ELMO1: variants seen among roughly 807,000 people sequenced by gnomAD.
ELMO1 encodes the protein engulfment and cell motility 1.
ELMO1 carries 26 observed loss-of-function variants against 98.9 expected under a neutral mutation model. The observed-to-expected ratio is 0.26, with a 90% CI of 0.19 to 0.36. ELMO1 has a LOEUF of 0.36. Ranked by LOEUF, ELMO1 falls within the 10% of genes least tolerant of loss-of-function variation. The pLI, the probability that ELMO1 is intolerant of heterozygous loss-of-function variation, is 1.00. For missense variants in ELMO1, 627 were observed against 935.2 expected (o/e 0.67, Z 4.30); for synonymous variants, 346 against 346.0 (o/e 1.00, Z 0.00).
chr7:36,863,528 C>A (rs1178521286), intron 20 of ELMO1, among the ~76,000 whole-genome samples: 3 of 152,048 alleles, frequency 2.0e-5, no homozygotes, highest in African/African-American at 7.2e-5. Context: ...CAAAAGAAAG[C>A]AAAAGCCAAA....
At chr7:37,316,013 A>AT (rs1799134985) in intron 2 of ELMO1, 53 bp from the exon 3 acceptor site, 4 of 1,351,056 alleles carry the variant, frequency 3.0e-6, no homozygotes. Flanking sequence ...ATCATTTTAA[A>AT]TTAAAAAAAA....
At chr7:37,003,968 T>C (rs1001163916) in intron 16 of ELMO1, among the ~76,000 whole-genome samples, 3 of 152,238 alleles carry the variant, frequency 2.0e-5, no homozygotes, top group Non-Finnish European at 2.9e-5. Flanking sequence ...ACAGCACCTA[T>C]GTGCTCTTCT....
chr7:37,101,655 T>C (rs1490351206), intron 14 of ELMO1, among the ~76,000 whole-genome samples: 1 of 151,994 alleles, frequency 6.6e-6, no homozygotes. Context: ...CCGAGCACAT[T>C]CCCAGGAGCT....
At chr7:37,091,578 T>G (rs1161372977) in intron 15 of ELMO1, among the ~76,000 whole-genome samples, 1 of 152,084 alleles carries the variant, frequency 6.6e-6, no homozygotes, top group African/African-American at 2.4e-5. Flanking sequence ...AGGGCACCAC[T>G]CCCTGCCCCC....
chr7:37,052,354 C>T (rs1340433228), intron 15 of ELMO1, among the ~76,000 whole-genome samples: 1 of 152,172 alleles, frequency 6.6e-6, no homozygotes, highest in Non-Finnish European at 1.5e-5. Context: ...TAAAGAACTG[C>T]TATCTCCAGC....
At position 37,013,398 on chromosome 7, in the gene ELMO1, G is replaced by A; in HGVS notation, c.1338C>T (p.Phe446=). The change falls in exon 16 of 22, where the codon TTC becomes TTT. Residue 446 remains phenylalanine (F), a synonymous_variant. Transcript: ENST00000310758. The part of the protein sequence containing the change: ...ETCNDFHPMF[F]THDRSFEEFF... Reference sequence around the variant, plus strand: ...ACTCCTCAAAGGATCTGTCGTGGGTGAAGAACATCGGGTGGAAGTCGTTGC... The same window carrying A: ...ACTCCTCAAAGGATCTGTCGTGGGTAAAGAACATCGGGTGGAAGTCGTTGC... 6.2e-7 allele frequency: 1 copy of A among 1,614,090 alleles called. No homozygotes were observed.
At chr7:37,338,757 C>A (rs1305046688) in intron 2 of ELMO1, among the ~76,000 whole-genome samples, 1 of 151,978 alleles carries the variant, frequency 6.6e-6, no homozygotes, top group African/African-American at 2.4e-5. Flanking sequence ...TCAAGCGGCT[C>A]CCCGGGCTTG....
intron 15 of ELMO1, among the ~76,000 whole-genome samples, chr7:37,045,812 G>A (rs1191372203): frequency 6.6e-6 from 1 of 152,168 alleles, no homozygotes; most frequent in Non-Finnish European, 1.5e-5. Context: ...ATGCTTCAGA[G>A]TTAACAAAGC....
At chr7:37,143,644 T>G (rs1272034574) in intron 13 of ELMO1, among the ~76,000 whole-genome samples, 1 of 151,430 alleles carries the variant, frequency 6.6e-6, no homozygotes, top group East Asian at 1.9e-4. Context: ...TGACCTCAAG[T>G]GATTTGCCAG....
At chr7:37,102,953 T>C (rs1784718856) in intron 14 of ELMO1, among the ~76,000 whole-genome samples, 1 of 152,220 alleles carries the variant, frequency 6.6e-6, no homozygotes. Flanking sequence ...ACAAACTTCC[T>C]GGATCTATTT....
chr7:37,126,255 C>A (rs1177207659), intron 14 of ELMO1, among the ~76,000 whole-genome samples: 1 of 146,980 alleles, frequency 6.8e-6, no homozygotes, highest in Non-Finnish European at 1.5e-5. Context: ...ATGTAACAAA[C>A]CTGCATGTTG....
chr7:37,286,310 T>C (rs1292104750), intron 4 of ELMO1, among the ~76,000 whole-genome samples: 1 of 152,196 alleles, frequency 6.6e-6, no homozygotes, highest in Non-Finnish European at 1.5e-5. Context: ...GCTGTGGCAT[T>C]AGCCACCCAG....
chr7:37,140,343 G>A lies in ELMO1; in HGVS notation c.1087-7109C>T, dbSNP rs532418769. The stretch of plus-strand genomic sequence containing the variant: ...AGAGCTTGTAGTGAGCCGAGATGGC[G>A]CCAGTGCACTCCAGCCTGGGCGACA... On this transcript the variant is annotated intron_variant, in intron 13 of 21. Coordinates refer to ENST00000310758, the MANE Select transcript of ELMO1 (RefSeq NM_014800.11). 7.9e-5 allele frequency among the ~76,000 whole-genome samples: 12 copies of A among 151,680 alleles called. No individual in the cohort carries two copies. In the East Asian group the frequency reaches 1.4e-3, roughly 17 times the overall value.
chr7:37,034,415 T>C (rs1795063035), intron 15 of ELMO1, among the ~76,000 whole-genome samples: 5 of 152,150 alleles, frequency 3.3e-5, no homozygotes, highest in African/African-American at 1.2e-4. Flanking sequence ...TAAAAAATTA[T>C]GTTGTTTAAA....
At chr7:37,307,839 T>C (rs186237349) in intron 4 of ELMO1, among the ~76,000 whole-genome samples, 6 of 152,286 alleles carry the variant, frequency 3.9e-5, no homozygotes, top group Middle Eastern at 3.4e-3. Flanking sequence ...CAGCTGGGTG[T>C]GGTGGCTCAC....
Position 37,013,977 on chromosome 7 carries a change from A to C in ELMO1, c.1301-542T>G, listed in dbSNP as rs376285164. Among the ~76,000 whole-genome samples, 12 of 152,332 alleles carry C rather than the reference A, an allele frequency of 7.9e-5. No individual in the cohort carries two copies. The East Asian group carries it at 9.6e-4, about 12-fold the overall frequency. ...TTGAGATCATTAACCATCTGATGCCATTAACCATTTGTTTTACATTTCCAG... is the reference window on the plus strand; with the variant it reads ...TTGAGATCATTAACCATCTGATGCCCTTAACCATTTGTTTTACATTTCCAG... On this transcript the variant is annotated intron_variant, in intron 15 of 21. Coordinates refer to ENST00000310758, the MANE Select transcript of ELMO1 (RefSeq NM_014800.11).
At chr7:37,052,491 A>G (rs1295398343) in intron 15 of ELMO1, among the ~76,000 whole-genome samples, 1 of 152,184 alleles carries the variant, frequency 6.6e-6, no homozygotes, top group Non-Finnish European at 1.5e-5. Context: ...GCAACCCACC[A>G]TATCCAATAT....
chr7:37,368,818 C>A (rs1445230418), intron 1 of ELMO1, among the ~76,000 whole-genome samples: 1 of 152,200 alleles, frequency 6.6e-6, no homozygotes, highest in African/African-American at 2.4e-5. Context: ...TGTCTCCTCT[C>A]TCCCACATAT....
chr7:37,015,603 C>CA (rs1033688134), intron 15 of ELMO1, among the ~76,000 whole-genome samples: 9 of 151,966 alleles, frequency 5.9e-5, no homozygotes, highest in East Asian at 1.9e-4. Flanking sequence ...CTCCGTCTCC[C>CA]AAAAAACAGA....
Sources: allele counts gnomAD v4.1 joint callset (sites outside exome capture counted in the v4.1 genomes callset), GRCh38; gene constraint gnomAD v4.1.1; transcripts MANE v1.5; gene names NCBI Gene and HGNC (gene_info 2026-07-23, HGNC 2026-07-21).